The following GALNT13 variants were observed in gnomAD, a reference collection of about 807,000 sequenced individuals.
GALNT13 encodes the protein UDP-GalNAc:polypeptide N-acetylgalactosaminyltransferase 13.
GALNT13 carries 28 observed loss-of-function variants against 64.2 expected under a neutral mutation model. The ratio of observed to expected loss-of-function variants is 0.44; its 90% CI spans 0.32 to 0.60. The LOEUF is 0.60. GALNT13 is among the 20% of genes least tolerant of loss of function. The pLI is 0.05. For missense variants in GALNT13, 577 were observed against 669.8 expected, an observed-to-expected ratio of 0.86 and a Z score of 1.53; for synonymous variants, 214 against 224.6, an observed-to-expected ratio of 0.95 and a Z score of 0.42.
chr2:153,752,886 TG>T, the GALNT13 span, among the ~76,000 whole-genome samples: 1 of 152,310 alleles, frequency 6.6e-6, no homozygotes, highest in East Asian at 1.9e-4. Flanking sequence ...CTCTTAGATT[TG>T]CCTTTTGAGG....
intron 8 of GALNT13, among the ~76,000 whole-genome samples, chr2:154,298,851 TTATATATACATTATATATACATTATA>T (rs1559076469): frequency 7.9e-6 from 1 of 127,358 alleles, no homozygotes; most frequent in African/African-American, 2.9e-5. Flanking sequence ...TATATATTAT[TTATATATACATTATATATACATTATA>T]TATTATTTAT....
At chr2:153,877,736 A>G (rs950166022) in intron 1 of GALNT13, among the ~76,000 whole-genome samples, 78 of 152,294 alleles carry the variant, frequency 5.1e-4, no homozygotes, top group African/African-American at 1.9e-3. Flanking sequence ...AGAAAGAAAA[A>G]TGGAATAAAA....
chr2:153,298,913 C>CA, the GALNT13 span, among the ~76,000 whole-genome samples: 147 of 152,222 alleles, frequency 9.7e-4, no homozygotes, highest in Non-Finnish European at 1.5e-3. Flanking sequence ...ATGAAAATTA[C>CA]AGTCACATTT....
At chr2:153,637,170 A>G in the GALNT13 span, among the ~76,000 whole-genome samples, 1 of 152,160 alleles carries the variant, frequency 6.6e-6, no homozygotes, top group Admixed American at 6.6e-5. Context: ...ATCTCTGGTC[A>G]TATACCAAAT....
At chr2:154,102,644 C>G (rs1435807264) in intron 3 of GALNT13, among the ~76,000 whole-genome samples, 3 of 151,956 alleles carry the variant, frequency 2.0e-5, no homozygotes, top group Non-Finnish European at 2.9e-5. Context: ...ACATCGTAAC[C>G]AAACATGACG....
At chr2:153,409,313 A>AATATGTATATATTTATATGT in the GALNT13 span, among the ~76,000 whole-genome samples, 1 of 140,122 alleles carries the variant, frequency 7.1e-6, no homozygotes, top group Non-Finnish European at 1.6e-5. Context: ...TATATATATG[A>AATATGTATATATTTATATGT]ATATGTATAT....
chr2:153,720,361 A>G, the GALNT13 span, among the ~76,000 whole-genome samples: 2 of 150,592 alleles, frequency 1.3e-5, no homozygotes, highest in Admixed American at 1.3e-4. Flanking sequence ...AAGATGGGGA[A>G]AAAACAGAGC....
the GALNT13 span, among the ~76,000 whole-genome samples, chr2:153,160,524 A>G: frequency 3.3e-5 from 5 of 152,196 alleles, no homozygotes; most frequent in East Asian, 9.6e-4. Context: ...GCATTCATGC[A>G]ACTTTCTTTT....
chr2:153,658,580 T>G, the GALNT13 span, among the ~76,000 whole-genome samples: 7 of 152,122 alleles, frequency 4.6e-5, no homozygotes, highest in Admixed American at 3.9e-4. Context: ...TTATTTAGCA[T>G]TTTTAAAAAT....
At chr2:154,169,377 C>T (rs149233900) in intron 4 of GALNT13, among the ~76,000 whole-genome samples, 1 of 152,298 alleles carries the variant, frequency 6.6e-6, no homozygotes, top group Non-Finnish European at 1.5e-5. Flanking sequence ...TTTAAGCTAT[C>T]AACTTCACGT....
At chr2:154,310,434 T>A (rs556189355) in intron 9 of GALNT13, among the ~76,000 whole-genome samples, 1 of 152,296 alleles carries the variant, frequency 6.6e-6, no homozygotes, top group African/African-American at 2.4e-5. Context: ...TACAGACACA[T>A]ATTCATATAT....
chr2:153,976,978 A>T (rs902327266), intron 3 of GALNT13, among the ~76,000 whole-genome samples: 6 of 152,124 alleles, frequency 3.9e-5, no homozygotes, highest in African/African-American at 1.4e-4. Flanking sequence ...AATAGAGGGC[A>T]TACTAGTCAT....
chr2:154,028,506 T>C (rs1411823035), intron 3 of GALNT13, among the ~76,000 whole-genome samples: 3 of 152,108 alleles, frequency 2.0e-5, no homozygotes, highest in Non-Finnish European at 4.4e-5. Context: ...AAAACGGCAA[T>C]GTATTTGTCC....
the GALNT13 span, among the ~76,000 whole-genome samples, chr2:153,336,789 T>A: frequency 6.6e-6 from 1 of 152,114 alleles, no homozygotes; most frequent in East Asian, 1.9e-4. Context: ...AGGGGTAGAA[T>A]GAAATGGTTT....
At chr2:153,323,028 T>G in the GALNT13 span, among the ~76,000 whole-genome samples, 1 of 152,170 alleles carries the variant, frequency 6.6e-6, no homozygotes, top group Non-Finnish European at 1.5e-5. Context: ...ATGGGATTGC[T>G]GGGTCAAATG....
intron 4 of GALNT13, among the ~76,000 whole-genome samples, chr2:154,157,644 C>T (rs1273584647): frequency 2.0e-5 from 3 of 152,118 alleles, no homozygotes; most frequent in Non-Finnish European, 4.4e-5. Context: ...TTTTCTTATT[C>T]CAAAAAGTTC....
intron 3 of GALNT13, among the ~76,000 whole-genome samples, chr2:153,973,500 T>C (rs1158849880): frequency 6.6e-6 from 1 of 151,978 alleles, no homozygotes; most frequent in Non-Finnish European, 1.5e-5. Context: ...AACCCATTTC[T>C]CTTCTCAACT....
chr2:153,852,086 A>G, the GALNT13 span, among the ~76,000 whole-genome samples: 2 of 152,232 alleles, frequency 1.3e-5, no homozygotes, highest in African/African-American at 4.8e-5. Context: ...ATGGAGGCAT[A>G]AAACTACGGA....
chr2:153,780,549 CAT>C, the GALNT13 span, among the ~76,000 whole-genome samples: 1 of 151,994 alleles, frequency 6.6e-6, no homozygotes, highest in Non-Finnish European at 1.5e-5. Context: ...CCAGCACACT[CAT>C]ATGAAAGAAA....
Sources: gnomAD v4.1 joint callset for allele counts (sites outside exome capture counted in the v4.1 genomes callset) on GRCh38, gnomAD v4.1.1 for gene constraint, MANE v1.5 for transcripts, NCBI Gene and HGNC (gene_info 2026-07-23, HGNC 2026-07-21) for gene names.